The following RBBP8 variants were observed in gnomAD, a reference collection of about 807,000 sequenced individuals.
RBBP8 encodes the protein RB binding protein 8, endonuclease.
A neutral mutation model predicts 108.3 loss-of-function variants in RBBP8; 88 were observed. The ratio of observed to expected loss-of-function variants is 0.81; its 90% CI spans 0.68 to 0.97. The LOEUF (loss-of-function observed/expected upper bound fraction) is 0.97. Ranked by LOEUF, RBBP8 falls within the 50% of genes least tolerant of loss-of-function variation. The probability of loss-of-function intolerance (pLI) is 0.00; values close to 1 mark genes in which losing one functional copy is unlikely to be tolerated. For synonymous variants in RBBP8, 332 were observed against 348.2 expected, an observed-to-expected ratio of 0.95 and a Z score of 0.52; for missense variants, 1,023 against 1,049.0, an observed-to-expected ratio of 0.98 and a Z score of 0.34.
At chr18:23,000,631 A>G (rs768861845) in intron 14 of RBBP8, among the ~76,000 whole-genome samples, 1 of 151,776 alleles carries the variant, frequency 6.6e-6, no homozygotes, top group Non-Finnish European at 1.5e-5. Flanking sequence ...AATTCCAGCT[A>G]CTTGGGAGGC....
upstream of RBBP8, among the ~76,000 whole-genome samples, chr18:22,931,459 TATAGAGA>T (rs1287560509): frequency 6.6e-6 from 1 of 152,182 alleles, no homozygotes; most frequent in Non-Finnish European, 1.5e-5. Flanking sequence ...GTAGCTGCAG[TATAGAGA>T]AGTGGTCTCA....
At chr18:22,921,934 T>A (rs190809954) in intron 3 of RBBP8, among the ~76,000 whole-genome samples, 1 of 152,324 alleles carries the variant, frequency 6.6e-6, no homozygotes, top group African/African-American at 2.4e-5. Context: ...AAAAACAGAT[T>A]GACTACATTG....
At chr18:23,020,991 A>G (rs565194109) in intron 17 of RBBP8, among the ~76,000 whole-genome samples, 148 of 152,332 alleles carry the variant, frequency 9.7e-4, no homozygotes, top group Non-Finnish European at 8.7e-4. Context: ...TAAAATAGAA[A>G]TGTATTAAAA....
Position 22,993,159 on chromosome 18 carries a change from A to C in RBBP8, c.1332A>C (p.Thr444=). The change falls in exon 11 of 19, where the codon ACA becomes ACC. Residue 444 remains threonine, a synonymous_variant. Transcript: ENST00000327155. ...LEPLKSLGGR[T]SKRKKTEEES... is the part of the protein sequence containing the mutation. The stretch of plus-strand genomic sequence containing the variant: ...CCCTGAAATCATTGGGAGGCCGAAC[A>C]TCCAAAAGGAAGAAAACTGAGGAAG... 6.2e-7 allele frequency: 1 copy of C among 1,614,202 alleles called. No homozygotes were observed. Among genetic ancestry groups the C allele is most frequent in the Non-Finnish European group, 8.5e-7 (1 of 1,180,008 alleles).
chr18:22,956,367 C>T (rs1363914158), intron 4 of RBBP8, among the ~76,000 whole-genome samples: 1 of 151,994 alleles, frequency 6.6e-6, no homozygotes, highest in African/African-American at 2.4e-5. Context: ...CAGGGTCTTA[C>T]TCTGTTGCCC....
At chr18:22,969,584 T>C (rs1011556908) in intron 5 of RBBP8, among the ~76,000 whole-genome samples, 10 of 152,184 alleles carry the variant, frequency 6.6e-5, no homozygotes, top group African/African-American at 2.4e-4. Flanking sequence ...ACCCTGTGGT[T>C]ATTCAAGCAA....
At chr18:22,986,258 A>G (rs1915319921) in intron 8 of RBBP8, among the ~76,000 whole-genome samples, 1 of 152,184 alleles carries the variant, frequency 6.6e-6, no homozygotes. Flanking sequence ...CCAAGTGGAG[A>G]GAGGACGAAG....
chr18:23,009,252 A>G (rs935698452), intron 16 of RBBP8, among the ~76,000 whole-genome samples: 5 of 152,060 alleles, frequency 3.3e-5, no homozygotes, highest in Non-Finnish European at 7.4e-5. Context: ...TTATTCCACA[A>G]TACACATAAA....
At chr18:22,991,860 A>C (rs1915725061) in intron 10 of RBBP8, among the ~76,000 whole-genome samples, 1 of 152,166 alleles carries the variant, frequency 6.6e-6, no homozygotes, top group East Asian at 1.9e-4. Flanking sequence ...AGATATATAG[A>C]TATCTATCTA....
Position 22,992,944 on chromosome 18 carries a change from G to A in RBBP8, c.1117G>A (p.Glu373Lys), listed in dbSNP as rs1915798871. 1.2e-6 allele frequency: 2 copies of A among 1,613,080 alleles called. No homozygotes were observed. Among genetic ancestry groups the A allele is most frequent in the African/African-American group, 2.7e-5 (2 of 74,848 alleles). Reference sequence around the variant, plus strand: ...TAGCAACACTTGTATATCTAGATTAGAAAAAACTAGATCAAAATCTGAAGA... The same window carrying A: ...TAGCAACACTTGTATATCTAGATTAAAAAAAACTAGATCAAAATCTGAAGA... ...PFSNTCISRL[E>K]KTRSKSEDSA... Residue 373 changes from glutamate to lysine, a missense_variant, in exon 11 of 19, where the codon GAA becomes AAA. Glu to Lys is a moderately conservative substitution (Grantham distance 56). Transcript: ENST00000327155.
intron 16 of RBBP8, among the ~76,000 whole-genome samples, chr18:23,006,985 T>TTGTGTG (rs997781551): frequency 1.3e-5 from 2 of 151,926 alleles, no homozygotes; most frequent in Admixed American, 1.3e-4. Context: ...TTCTCTGCTT[T>TTGTGTG]TGTGTGTGTG....
chr18:22,993,938 G>T, intron 12 of RBBP8, 91 bp downstream of exon 12: 2 of 1,346,088 alleles, frequency 1.5e-6, no homozygotes, highest in Non-Finnish European at 1.0e-6. Context: ...AATTGTTTTG[G>T]AAAAAAACTT....
At chr18:22,991,679 A>C (rs1915714806) in intron 10 of RBBP8, among the ~76,000 whole-genome samples, 5 of 152,226 alleles carry the variant, frequency 3.3e-5, no homozygotes, top group Admixed American at 3.3e-4. Flanking sequence ...AGTACTTGGC[A>C]CATGGAAAAT....
chr18:23,025,263 A>G (rs1451968211), intron 18 of RBBP8, among the ~76,000 whole-genome samples: 1 of 152,188 alleles, frequency 6.6e-6, no homozygotes. Context: ...TCAAAAAAAC[A>G]ATTAATTTAA....
upstream of RBBP8, among the ~76,000 whole-genome samples, chr18:22,932,500 C>T (rs79464471): frequency 0.049 from 7,449 of 152,228 alleles, 361 homozygotes; most frequent in African/African-American, 0.12. Flanking sequence ...AGATGTGGGA[C>T]AGGTGGAAAA....
chr18:22,936,724 G>C (rs1910608429), intron 1 of RBBP8, 30 bp from the exon 2 acceptor site: 1 of 1,032,820 alleles, frequency 9.7e-7, no homozygotes. Flanking sequence ...TAAATGCAAA[G>C]TTCATTTATG....
chr18:22,965,081 A>G (rs181962417), intron 4 of RBBP8, among the ~76,000 whole-genome samples: 12 of 152,312 alleles, frequency 7.9e-5, no homozygotes, highest in Admixed American at 7.8e-4. Flanking sequence ...CCAAGAACCT[A>G]TCAATGATGT....
intron 4 of RBBP8, among the ~76,000 whole-genome samples, chr18:22,959,514 ATTTTTTAATGGTCTCTCT>A (rs1912884766): frequency 6.6e-6 from 1 of 151,816 alleles, no homozygotes; most frequent in Non-Finnish European, 1.5e-5. Flanking sequence ...CACTTTCTCT[ATTTTTTAATGGTCTCTCT>A]TTCTGGAGCA....
upstream of RBBP8, among the ~76,000 whole-genome samples, chr18:22,930,451 T>G (rs1909981633): frequency 6.6e-6 from 1 of 152,250 alleles, no homozygotes; most frequent in African/African-American, 2.4e-5. Context: ...AGAAACCCAG[T>G]ATTATGAAGA....
Sources: gnomAD v4.1 joint callset for allele counts (sites outside exome capture counted in the v4.1 genomes callset) on GRCh38, gnomAD v4.1.1 for gene constraint, MANE v1.5 for transcripts, NCBI Gene and HGNC (gene_info 2026-07-23, HGNC 2026-07-21) for gene names.